ERC2: variants seen among roughly 807,000 people sequenced by gnomAD.
The protein encoded by ERC2 is ELKS/RAB6-interacting/CAST family member 2.
A neutral mutation model predicts 114.8 loss-of-function variants in ERC2; 42 were observed. That is an observed-to-expected ratio of 0.37 (90% CI 0.29 to 0.47). ERC2 has a LOEUF of 0.47. ERC2 is among the 20% of genes least tolerant of loss of function. The pLI, the probability that ERC2 is intolerant of heterozygous loss-of-function variation, is 0.99. For synonymous variants in ERC2, 454 were observed against 425.5 expected (o/e 1.07, Z -0.82); for missense variants, 939 against 1,150.7 (o/e 0.82, Z 2.66).
At chr3:55,707,811 AC>A (rs953686390) in intron 15 of ERC2, among the ~76,000 whole-genome samples, 15 of 152,232 alleles carry the variant, frequency 9.9e-5, no homozygotes, top group South Asian at 2.1e-4. Context: ...AGATGCAGAA[AC>A]CCATGAGAAC....
intron 17 of ERC2, among the ~76,000 whole-genome samples, chr3:55,597,142 C>A (rs536592847): frequency 1.3e-5 from 2 of 152,236 alleles, no homozygotes; most frequent in East Asian, 1.9e-4. Flanking sequence ...ATGATTTGGC[C>A]GGGCGCGGTG....
chr3:55,836,763 TTAAAC>T (rs2060906101), intron 14 of ERC2, among the ~76,000 whole-genome samples: 2 of 152,082 alleles, frequency 1.3e-5, no homozygotes, highest in African/African-American at 2.4e-5. Flanking sequence ...TGGGATCTAA[TTAAAC>T]TAAAGAGCTT....
chr3:55,876,722 G>C (rs1230325996), intron 14 of ERC2, among the ~76,000 whole-genome samples: 1 of 152,174 alleles, frequency 6.6e-6, no homozygotes, highest in Non-Finnish European at 1.5e-5. Flanking sequence ...GAGCTAGACA[G>C]GATTATGTTG....
rs546349666 is a variant in ERC2 at position 55,581,825 on chromosome 3, C to T, written c.*40-70549G>A. ...TTCTCTTCCAGGACAGGTGGGTTAGCAGATGACCCCTGGGGAGAACTCTGC... is the reference window on the plus strand; with the variant it reads ...TTCTCTTCCAGGACAGGTGGGTTAGTAGATGACCCCTGGGGAGAACTCTGC... On this transcript the variant is annotated intron_variant, in intron 17 of 17. Transcript: ENST00000288221. 3.9e-5 allele frequency among the ~76,000 whole-genome samples: 6 copies of T among 152,290 alleles called. 1 individual carries two copies. The highest frequency in any genetic ancestry group is 1.4e-4 in the African/African-American group (6 of 41,572).
chr3:55,910,414 A>AC (rs1559856885), intron 13 of ERC2, among the ~76,000 whole-genome samples: 2 of 152,088 alleles, frequency 1.3e-5, no homozygotes, highest in African/African-American at 4.8e-5. Context: ...AAAAAACAAA[A>AC]AAAACAAAAC....
At chr3:56,447,478 A>G (rs1224497344) in intron 1 of ERC2, among the ~76,000 whole-genome samples, 1 of 152,150 alleles carries the variant, frequency 6.6e-6, no homozygotes, top group Non-Finnish European at 1.5e-5. Flanking sequence ...TAGTGGAGAG[A>G]TTCGGAACTT....
At chr3:56,137,067 A>G (rs1047220675) in intron 6 of ERC2, among the ~76,000 whole-genome samples, 2 of 152,198 alleles carry the variant, frequency 1.3e-5, no homozygotes, top group African/African-American at 4.8e-5. Context: ...GGACTACATT[A>G]ATTTGAGAGA....
At chr3:55,884,259 G>A (rs2063259879) in intron 14 of ERC2, among the ~76,000 whole-genome samples, 2 of 152,124 alleles carry the variant, frequency 1.3e-5, no homozygotes, top group Non-Finnish European at 2.9e-5. Flanking sequence ...TAAAAATAAT[G>A]CAATCCTATG....
chr3:56,294,341 TTCACAGTCTC>T (rs2055289442), intron 3 of ERC2, among the ~76,000 whole-genome samples: 1 of 152,256 alleles, frequency 6.6e-6, no homozygotes, highest in Admixed American at 6.5e-5. Context: ...GTTCCTCTGT[TTCACAGTCTC>T]TCACAGCCTG....
intron 13 of ERC2, among the ~76,000 whole-genome samples, chr3:55,949,950 G>T (rs1476967440): frequency 6.6e-6 from 1 of 152,164 alleles, no homozygotes; most frequent in African/African-American, 2.4e-5. Flanking sequence ...AGAGAAGACA[G>T]AATAATGATC....
chr3:56,223,537 A>T (rs77994084), intron 3 of ERC2, among the ~76,000 whole-genome samples: 1 of 138,166 alleles, frequency 7.2e-6, no homozygotes, highest in East Asian at 2.1e-4. Flanking sequence ...AAAAAAAAAA[A>T]AAATGACAAC....
chr3:56,241,887 G>T (rs568969312), intron 3 of ERC2, among the ~76,000 whole-genome samples: 4 of 152,188 alleles, frequency 2.6e-5, no homozygotes, highest in Non-Finnish European at 4.4e-5. Flanking sequence ...AAATAAAGCT[G>T]TATTTGAACA....
At chr3:55,881,733 A>G (rs2063125635) in intron 14 of ERC2, among the ~76,000 whole-genome samples, 1 of 152,232 alleles carries the variant, frequency 6.6e-6, no homozygotes, top group African/African-American at 2.4e-5. Flanking sequence ...ATTAGCTGGC[A>G]TTAATAAAAT....
chr3:55,836,534 GA>G (rs1382197651), intron 14 of ERC2, among the ~76,000 whole-genome samples: 1 of 152,154 alleles, frequency 6.6e-6, no homozygotes, highest in Non-Finnish European at 1.5e-5. Context: ...ATGGTGCTGG[GA>G]AAACTGGCTA....
At chr3:56,169,308 C>T (rs1158228262) in intron 4 of ERC2, among the ~76,000 whole-genome samples, 1 of 152,134 alleles carries the variant, frequency 6.6e-6, no homozygotes, top group African/African-American at 2.4e-5. Flanking sequence ...GTTTGTTTTT[C>T]CCAAAGAATA....
intron 14 of ERC2, among the ~76,000 whole-genome samples, chr3:55,815,801 T>C (rs1463869058): frequency 2.0e-5 from 3 of 152,150 alleles, no homozygotes; most frequent in African/African-American, 7.2e-5. Context: ...GTTGACAGCC[T>C]TGTCAAAACT....
In ERC2 at chr3:56,276,474, A is replaced by AAAAAAAAAAAAAAAAC. The variant is rs1446116012; in HGVS notation, c.1074+19544_1074+19545insGTTTTTTTTTTTTTTT. Among the ~76,000 whole-genome samples, 9 of 147,002 alleles carry AAAAAAAAAAAAAAAAC rather than the reference A, an allele frequency of 6.1e-5. 1 individual carries two copies. Among genetic ancestry groups the AAAAAAAAAAAAAAAAC allele is most frequent in the Admixed American group, 6.7e-5 (1 of 15,022 alleles). On this transcript the variant is annotated intron_variant, in intron 3 of 17. Coordinates refer to ENST00000288221, the MANE Select transcript of ERC2 (RefSeq NM_015576.3). ...CAAACTCAGCTAAAAAAAAAAAAAA[A>AAAAAAAAAAAAAAAAC]AAACAAACTCAGTCATTCATCTGGC...
intron 4 of ERC2, among the ~76,000 whole-genome samples, chr3:56,168,240 A>G (rs762924301): frequency 4.6e-5 from 7 of 152,222 alleles, no homozygotes; most frequent in Non-Finnish European, 8.8e-5. Context: ...TTTATTGCAC[A>G]TCAAGTGCTG....
At chr3:56,170,508 C>T (rs1046526864) in intron 4 of ERC2, among the ~76,000 whole-genome samples, 10 of 151,562 alleles carry the variant, frequency 6.6e-5, no homozygotes, top group Admixed American at 5.3e-4. Context: ...GGTTGAAGCT[C>T]ACCCTTAGTT....
Sources: allele counts gnomAD v4.1 joint callset (sites outside exome capture counted in the v4.1 genomes callset), GRCh38; gene constraint gnomAD v4.1.1; transcripts MANE v1.5; gene names NCBI Gene and HGNC (gene_info 2026-07-23, HGNC 2026-07-21).